NCOR1: variants seen among roughly 807,000 people sequenced by gnomAD.
The protein encoded by NCOR1 is protein phosphatase 1, regulatory subunit 109.
In NCOR1, 63 loss-of-function variants were observed where a neutral mutation model predicts 288.1. The ratio of observed to expected loss-of-function variants is 0.22; its 90% CI spans 0.18 to 0.27. The LOEUF is 0.27. Among genes scored for constraint, NCOR1 ranks in the 10% least tolerant of loss-of-function variants. The probability of loss-of-function intolerance (pLI) is 1.00; values close to 1 mark genes in which losing one functional copy is unlikely to be tolerated. For missense variants in NCOR1, 2,397 were observed against 3,019.2 expected, an observed-to-expected ratio of 0.79 and a Z score of 4.83; for synonymous variants, 1,007 against 1,065.9, an observed-to-expected ratio of 0.94 and a Z score of 1.08.
Position 16,031,201 on chromosome 17 carries a change from A to G in NCOR1, c.*1095T>C, listed in dbSNP as rs1303981041. On this transcript the variant is annotated 3_prime_UTR_variant, in exon 46 of 46. Coordinates refer to ENST00000268712, the MANE Select transcript of NCOR1 (RefSeq NM_006311.4). ...TCCCAAGGGAGCAAAGTGAGAGTAA[A>G]TGCTGGTCCATAGTGATGGGGAAAA... 5.0e-6 allele frequency: 1 copy of G among 199,280 alleles called. No individual in the cohort carries two copies. The allele number at this position is 199,280 out of a possible 1,614,324, so 12.3% of individuals were successfully genotyped here.
intron 11 of NCOR1, among the ~76,000 whole-genome samples, chr17:16,141,034 T>C (rs2077083241): frequency 6.8e-6 from 1 of 148,128 alleles, no homozygotes; most frequent in African/African-American, 2.6e-5. Context: ...TGTCCTGATA[T>C]TATGCAATAG....
chr17:16,122,549 C>T (rs1452229322), intron 15 of NCOR1: 3 of 152,196 alleles, frequency 2.0e-5, no homozygotes, highest in Admixed American at 2.0e-4. Flanking sequence ...TTTTATATCA[C>T]TTGAAACTCA....
intron 44 of NCOR1, 38 bp from the exon 45 acceptor site, chr17:16,034,982 A>G: frequency 6.3e-7 from 1 of 1,588,294 alleles, no homozygotes; most frequent in Non-Finnish European, 8.6e-7. Context: ...TAATATATTA[A>G]GTTCTCAAAA....
chr17:16,213,019 C>T (rs1299644694), intron 1 of NCOR1, among the ~76,000 whole-genome samples: 1 of 145,964 alleles, frequency 6.9e-6, no homozygotes, highest in East Asian at 2.0e-4. Context: ...CTGCAGCGAG[C>T]CACTGTATTT....
At chr17:16,077,612 G>A (rs2062758254) in intron 26 of NCOR1, among the ~76,000 whole-genome samples, 3 of 145,508 alleles carry the variant, frequency 2.1e-5, no homozygotes, top group Admixed American at 2.1e-4. Flanking sequence ...AAAAGAAAAG[G>A]AAGGGAGGAA....
At chr17:16,142,688 A>T (rs62072469) in intron 11 of NCOR1, among the ~76,000 whole-genome samples, 3,436 of 152,350 alleles carry the variant, frequency 0.023, 63 homozygotes, top group Admixed American at 0.04. Context: ...AATATTTATT[A>T]AACAGAAAGA....
intron 45 of NCOR1, among the ~76,000 whole-genome samples, chr17:16,033,455 C>G (rs1972909964): frequency 1.3e-5 from 2 of 151,926 alleles, no homozygotes; most frequent in Admixed American, 1.3e-4. Flanking sequence ...AACCACTGGT[C>G]TGGGCTGTAA....
intron 5 of NCOR1, chr17:16,164,762 C>T: frequency 2.8e-6 from 1 of 355,548 alleles, no homozygotes; most frequent in Non-Finnish European, 5.1e-6. Flanking sequence ...ATAGAATGGA[C>T]AAACAAATTT....
chr17:16,089,473 G>A (rs777048034), intron 22 of NCOR1, among the ~76,000 whole-genome samples: 61 of 151,886 alleles, frequency 4.0e-4, no homozygotes, highest in Non-Finnish European at 6.8e-4. Flanking sequence ...CTACAGATGG[G>A]AAAAGCTTTA....
intron 5 of NCOR1, among the ~76,000 whole-genome samples, chr17:16,160,298 G>T (rs1480814174): frequency 6.6e-6 from 1 of 152,036 alleles, no homozygotes; most frequent in East Asian, 1.9e-4. Flanking sequence ...AGTGAAGCAA[G>T]CAGGGACTTG....
chr17:16,107,983 A>G lies in NCOR1; in HGVS notation c.2182+803T>C, dbSNP rs368719903. On this transcript the variant is annotated intron_variant, in intron 19 of 45. Transcript: ENST00000268712. ...AGGATGTACAACTTTTAAAGCTTAT[A>G]CAAAATAAAGACCCTACACAGAAAA... 2.2e-3 allele frequency among the ~76,000 whole-genome samples: 335 copies of G among 152,288 alleles called. 17 individuals carry two copies. In the South Asian group the frequency reaches 0.067, roughly 31 times the overall value.
At chr17:16,194,430 C>A in intron 2 of NCOR1, 32 bp downstream of exon 2, 2 of 1,400,608 alleles carry the variant, frequency 1.4e-6, no homozygotes, top group Non-Finnish European at 2.0e-6. Flanking sequence ...ACACAAAAAA[C>A]ATGTGCAATT....
intron 23 of NCOR1, 21 bp downstream of exon 23, chr17:16,086,261 T>C (rs769006885): frequency 3.1e-6 from 5 of 1,608,088 alleles, no homozygotes; most frequent in African/African-American, 1.3e-5. Flanking sequence ...AGAAATCTAC[T>C]GTAAAGAGAA....
intron 19 of NCOR1, among the ~76,000 whole-genome samples, chr17:16,107,406 C>T (rs77273461): frequency 0.011 from 1,661 of 152,198 alleles, 35 homozygotes; most frequent in African/African-American, 0.037. Context: ...ACCAGGAGTG[C>T]GCACACCCAA....
At chr17:16,077,519 GGGGGAGGAGGGGGAGGA>G (rs2062706180) in intron 26 of NCOR1, among the ~76,000 whole-genome samples, 2 of 15,902 alleles carry the variant, frequency 1.3e-4, no homozygotes, top group African/African-American at 2.6e-4. Context: ...AGAGGGGAGG[GGGGGAGGAGGGGGAGGA>G]GAGGGGAGGA....
At chr17:16,054,090 A>C (rs898552772) in intron 40 of NCOR1, among the ~76,000 whole-genome samples, 5 of 150,114 alleles carry the variant, frequency 3.3e-5, no homozygotes, top group African/African-American at 2.4e-5. Context: ...AAAAAAAAAA[A>C]AAACTATAAA....
chr17:16,033,741 AAGTATCCTGG>A (rs1847705430), intron 45 of NCOR1, among the ~76,000 whole-genome samples: 1 of 152,224 alleles, frequency 6.6e-6, no homozygotes, highest in African/African-American at 2.4e-5. Flanking sequence ...AGAAAATAAT[AAGTATCCTGG>A]AGTATTGTTT....
At chr17:16,091,569 A>G in intron 22 of NCOR1, 1 of 1,201,702 alleles carries the variant, frequency 8.3e-7, no homozygotes, top group Non-Finnish European at 1.0e-6. Context: ...GAAAATTCAG[A>G]TGAACGGAAC....
At chr17:16,092,727 C>T (rs1371291064) in intron 21 of NCOR1, among the ~76,000 whole-genome samples, 4 of 103,446 alleles carry the variant, frequency 3.9e-5, no homozygotes, top group Non-Finnish European at 5.4e-5. Flanking sequence ...AAGACATAGT[C>T]TCACTCTGTT....
Sources: allele counts gnomAD v4.1 joint callset (sites outside exome capture counted in the v4.1 genomes callset), GRCh38; gene constraint gnomAD v4.1.1; transcripts MANE v1.5; gene names NCBI Gene and HGNC (gene_info 2026-07-23, HGNC 2026-07-21).